SCTR: variants seen among roughly 807,000 people sequenced by gnomAD.
SCTR encodes secretin receptor, also known as pancreatic secretin receptor.
A neutral mutation model predicts 60.8 loss-of-function variants in SCTR; 56 were observed. That is an observed-to-expected ratio of 0.92 (90% CI 0.74 to 1.15). SCTR has a LOEUF of 1.15. Among genes scored for constraint, SCTR ranks in the 50% most tolerant of loss-of-function variants. The pLI, the probability that SCTR is intolerant of heterozygous loss-of-function variation, is 0.00. For missense variants in SCTR, 562 were observed against 550.4 expected (o/e 1.02, Z -0.21); for synonymous variants, 202 against 217.0 (o/e 0.93, Z 0.61).
At chr2:119,444,204 T>TGA (rs1682774729) in intron 11 of SCTR, among the ~76,000 whole-genome samples, 1 of 130,398 alleles carries the variant, frequency 7.7e-6, no homozygotes, top group African/African-American at 3.9e-5. Flanking sequence ...CACATATGTA[T>TGA]ATATACATAT....
In SCTR at chr2:119,461,856, A is replaced by T; in HGVS notation, c.781T>A (p.Phe261Ile). 6.2e-7 allele frequency: 1 copy of T among 1,613,180 alleles called. No homozygotes were observed. Among genetic ancestry groups the T allele is most frequent in the Non-Finnish European group, 8.5e-7 (1 of 1,179,512 alleles). The change falls in exon 7 of 13, where the codon TTC becomes ATC. Residue 261 changes from phenylalanine (F) to isoleucine (I), a missense_variant. Transcript: ENST00000019103. ...ERKYLQGFVAFGWGSPAIFVA... is the reference protein window; with the variant it reads ...ERKYLQGFVAIGWGSPAIFVA... ...CCAGGGAGAAACATACCCCATCCGA[A>T]TGCCACAAATCCCTGGAGGTACTTT...
In SCTR at chr2:119,493,641, C is replaced by CTTT. The variant is rs35864019; in HGVS notation, c.193+784_193+786dup. ...AGACATTATCACCTCCATTCTTCTT[C>CTTT]TTTTTTTTTTTTTTTTTGAGACAGA... On this transcript the variant is annotated intron_variant, in intron 2 of 12. Transcript: ENST00000019103. Among the ~76,000 whole-genome samples the CTTT allele has an allele frequency of 2.2e-4, 29 of 133,386 alleles. 2 individuals carry two copies. Among genetic ancestry groups the CTTT allele is most frequent in the Non-Finnish European group, 3.3e-4 (21 of 63,578 alleles). The allele number at this position is 133,386 out of a possible 152,430, so 87.5% of individuals were successfully genotyped here. A position where few individuals can be genotyped will look rare whatever the true frequency, so the allele number is the denominator to read the frequency against.
intron 2 of SCTR, 142 bp from the exon 3 acceptor site, chr2:119,479,060 A>T (rs1677478026): frequency 2.7e-6 from 4 of 1,473,844 alleles, no homozygotes. Context: ...CTGACTCCTC[A>T]GGATCAGGAA....
Position 119,440,051 on chromosome 2 carries a change from C to T in SCTR, c.*66G>A. 6.6e-7 allele frequency: 1 copy of T among 1,516,078 alleles called. No individual in the cohort carries two copies. The highest frequency in any genetic ancestry group is 1.2e-5 in the South Asian group (1 of 81,462). The allele number at this position is 1,516,078 out of a possible 1,614,324, so 93.9% of individuals were successfully genotyped here. A position where few individuals can be genotyped will look rare whatever the true frequency, so the allele number is the denominator to read the frequency against. ...TCTGCTGGGAAGACTGGCTGTCCCA[C>T]AGCAGTGCCCAGCCTTCGCAGGACC... is the stretch of plus-strand genomic sequence containing the variant. On this transcript the variant is annotated 3_prime_UTR_variant, in exon 13 of 13. Coordinates refer to ENST00000019103, the MANE Select transcript of SCTR (RefSeq NM_002980.3).
chr2:119,494,611 G>A, intron 1 of SCTR, 63 bp from the exon 2 acceptor site: 1 of 1,571,872 alleles, frequency 6.4e-7, no homozygotes, highest in Non-Finnish European at 8.7e-7. Flanking sequence ...ACATGGGGGA[G>A]AATGGGGCAA....
At chr2:119,505,579 CA>C (rs1206715807) in intron 1 of SCTR, among the ~76,000 whole-genome samples, 1 of 151,786 alleles carries the variant, frequency 6.6e-6, no homozygotes, top group African/African-American at 2.4e-5. Context: ...AGCTGGAAAC[CA>C]TCGTTCTCAG....
At chr2:119,488,825 T>G (rs1197442602) in intron 2 of SCTR, among the ~76,000 whole-genome samples, 2 of 152,166 alleles carry the variant, frequency 1.3e-5, no homozygotes, top group Non-Finnish European at 2.9e-5. Context: ...ATCAGATTAT[T>G]TTCCCCACTT....
chr2:119,472,192 T>A (rs915124611), intron 4 of SCTR, among the ~76,000 whole-genome samples: 1 of 152,168 alleles, frequency 6.6e-6, no homozygotes, highest in Non-Finnish European at 1.5e-5. Context: ...TGGCACACGC[T>A]GATCATTTTA....
At chr2:119,441,743 G>A in intron 11 of SCTR, 144 bp from the exon 12 acceptor site, 1 of 726,212 alleles carries the variant, frequency 1.4e-6, no homozygotes, top group East Asian at 2.8e-5. Context: ...TGGGAATTAG[G>A]CTACCTCTTG....
intron 2 of SCTR, chr2:119,479,381 G>T (rs751982576): frequency 8.8e-6 from 5 of 568,294 alleles, no homozygotes; most frequent in African/African-American, 2.0e-5. Flanking sequence ...AATTGGTTTG[G>T]GTGGGCCCAG....
At chr2:119,521,550 A>T (rs189382178) in intron 1 of SCTR, among the ~76,000 whole-genome samples, 27 of 152,196 alleles carry the variant, frequency 1.8e-4, no homozygotes, top group Admixed American at 1.6e-3. Flanking sequence ...GGGGGCTGTG[A>T]TCAGTATTTC....
At chr2:119,473,118 G>A (rs1012117926) in intron 4 of SCTR, among the ~76,000 whole-genome samples, 1 of 152,166 alleles carries the variant, frequency 6.6e-6, no homozygotes, top group African/African-American at 2.4e-5. Flanking sequence ...GAATTCAGAC[G>A]CACCAGCCTT....
At chr2:119,508,913 G>T (rs926337581) in intron 1 of SCTR, among the ~76,000 whole-genome samples, 2 of 152,180 alleles carry the variant, frequency 1.3e-5, no homozygotes, top group Non-Finnish European at 2.9e-5. Context: ...TACATCCATT[G>T]CGTCCTCTTG....
At chr2:119,494,296 T>A (rs1386836509) in intron 2 of SCTR, 132 bp downstream of exon 2, 13 of 997,710 alleles carry the variant, frequency 1.3e-5, no homozygotes, top group Non-Finnish European at 1.9e-5. Flanking sequence ...CCCCACCAGC[T>A]GATTGTCTGA....
chr2:119,515,005 G>A (rs1335386734), intron 1 of SCTR, among the ~76,000 whole-genome samples: 1 of 152,222 alleles, frequency 6.6e-6, no homozygotes, highest in Non-Finnish European at 1.5e-5. Flanking sequence ...GAAAGTAATA[G>A]TCTAATTTAT....
chr2:119,471,774 A>G (rs527457632), intron 4 of SCTR, among the ~76,000 whole-genome samples: 2 of 152,324 alleles, frequency 1.3e-5, no homozygotes, highest in East Asian at 3.9e-4. Flanking sequence ...GGGAGGTATC[A>G]GAAGACAGAG....
chr2:119,452,342 C>T (rs926460229), intron 8 of SCTR, among the ~76,000 whole-genome samples: 8 of 152,208 alleles, frequency 5.3e-5, no homozygotes, highest in African/African-American at 1.9e-4. Context: ...AGCTTACTGT[C>T]AGAATTCACC....
Position 119,471,880 on chromosome 2 carries a change from C to G in SCTR, c.405+1573G>C, listed in dbSNP as rs568010296. On this transcript the variant is annotated intron_variant, in intron 4 of 12. Coordinates refer to ENST00000019103, the MANE Select transcript of SCTR (RefSeq NM_002980.3). ...CTTAATCCCTGAGCCTCAGTTTCCT[C>G]TTCTGCAAAGTGAGGAAAACAATGA... Among the ~76,000 whole-genome samples, 10 of 152,316 alleles carry G rather than the reference C, an allele frequency of 6.6e-5. No homozygotes were observed. In the South Asian group the frequency reaches 1.7e-3, roughly 25 times the overall value.
At chr2:119,458,779 C>T (rs1397459964) in intron 7 of SCTR, among the ~76,000 whole-genome samples, 1 of 152,184 alleles carries the variant, frequency 6.6e-6, no homozygotes, top group African/African-American at 2.4e-5. Context: ...GCATGAGCAA[C>T]ACCTGGGAAC....
Sources: allele counts gnomAD v4.1 joint callset (sites outside exome capture counted in the v4.1 genomes callset), GRCh38; gene constraint gnomAD v4.1.1; transcripts MANE v1.5; gene names NCBI Gene and HGNC (gene_info 2026-07-23, HGNC 2026-07-21).